Variants in RBPJ observed in about 807,000 individuals in gnomAD.
RBPJ encodes the protein recombination signal binding protein for immunoglobulin kappa J region, also known as recombining binding protein suppressor of hairless.
Under a neutral mutation model 67.8 loss-of-function variants are expected in RBPJ, and 9 were observed. The ratio of observed to expected loss-of-function variants is 0.13; its 90% CI spans 0.08 to 0.23. The LOEUF (loss-of-function observed/expected upper bound fraction) is 0.23. Ranked by LOEUF, RBPJ falls within the 10% of genes least tolerant of loss-of-function variation. The pLI is 1.00. For synonymous variants in RBPJ, 198 were observed against 203.3 expected (o/e 0.97, Z 0.22); for missense variants, 305 against 595.6 (o/e 0.51, Z 5.08).
At chr4:26,114,501 A>ATATATG in the RBPJ span, among the ~76,000 whole-genome samples, 1 of 144,708 alleles carries the variant, frequency 6.9e-6, no homozygotes, top group African/African-American at 2.7e-5. Flanking sequence ...ATATATATGT[A>ATATATG]TGTGTGTGTG....
chr4:26,315,401 AT>A (rs1310904330), upstream of RBPJ, among the ~76,000 whole-genome samples: 6 of 151,574 alleles, frequency 4.0e-5, no homozygotes, highest in Admixed American at 1.3e-4. Flanking sequence ...GCAAGTTTTT[AT>A]TAAGGATTTC....
intron 1 of RBPJ, among the ~76,000 whole-genome samples, chr4:26,369,171 T>C: frequency 6.6e-6 from 1 of 152,236 alleles, no homozygotes; most frequent in East Asian, 1.9e-4. Context: ...GGTCATACTC[T>C]TATTTACCAA....
rs754969952 is a variant in RBPJ, at chr4:26,429,859, CTG to C, written c.889-37_889-36del. 2.6e-6 allele frequency: 4 copies of C among 1,565,470 alleles called. No homozygotes were observed. The Admixed American group carries it at 6.8e-5, about 27-fold the overall frequency. On this transcript the variant is annotated intron_variant, in intron 8 of 10. Coordinates refer to ENST00000355476, the MANE Select transcript of RBPJ (RefSeq NM_015874.6). ...AATTTTCTTATCCTATTAATACAAA[CTG>C]TATAAAACTTAGTTTCTAAACTTCT...
intron 1 of RBPJ, among the ~76,000 whole-genome samples, chr4:26,178,193 T>A (rs1338321429): frequency 6.6e-6 from 1 of 152,140 alleles, no homozygotes; most frequent in Non-Finnish European, 1.5e-5. Flanking sequence ...CAAAGATATA[T>A]CTTAGGTTTT....
chr4:26,419,728 G>A (rs1734941658), intron 4 of RBPJ, among the ~76,000 whole-genome samples: 2 of 152,094 alleles, frequency 1.3e-5, no homozygotes, highest in African/African-American at 2.4e-5. Flanking sequence ...TGATTCACAG[G>A]GATCAAGAGA....
chr4:26,307,730 A>T (rs1046527658), intron 1 of RBPJ, among the ~76,000 whole-genome samples: 1 of 152,248 alleles, frequency 6.6e-6, no homozygotes, highest in African/African-American at 2.4e-5. Context: ...GGAAGAAAAA[A>T]AACAAACCAT....
At chr4:26,367,149 TAAAAA>T (rs1268827433) in intron 1 of RBPJ, among the ~76,000 whole-genome samples, 1 of 150,758 alleles carries the variant, frequency 6.6e-6, no homozygotes, top group East Asian at 2.0e-4. Flanking sequence ...ATTAATAAAA[TAAAAA>T]GAAAATACAA....
chr4:26,394,220 G>A (rs1286031957), intron 2 of RBPJ, among the ~76,000 whole-genome samples: 1 of 151,834 alleles, frequency 6.6e-6, no homozygotes, highest in African/African-American at 2.4e-5. Context: ...GTAGAGACGG[G>A]GTTTCACCGT....
intron 2 of RBPJ, among the ~76,000 whole-genome samples, chr4:26,391,742 G>T (rs1577593394): frequency 6.6e-6 from 1 of 152,176 alleles, no homozygotes; most frequent in Admixed American, 6.5e-5. Flanking sequence ...GGTCTGAACA[G>T]ATACTAATCC....
chr4:26,366,449 A>C (rs1041449162), intron 1 of RBPJ, among the ~76,000 whole-genome samples: 3 of 152,000 alleles, frequency 2.0e-5, no homozygotes, highest in Non-Finnish European at 4.4e-5. Flanking sequence ...TTTGAGACCA[A>C]GTCTTGCTCT....
At chr4:26,136,116 C>G in the RBPJ span, among the ~76,000 whole-genome samples, 1 of 152,160 alleles carries the variant, frequency 6.6e-6, no homozygotes, top group African/African-American at 2.4e-5. Flanking sequence ...TATTCGCTAC[C>G]ACAAGGACAG....
At position 26,418,687 on chromosome 4, in the gene RBPJ, C is replaced by G. The variant is rs115968169; in HGVS notation, c.322-1864C>G. Among the ~76,000 whole-genome samples, 489 of 152,292 alleles carry G rather than the reference C, an allele frequency of 3.2e-3. 3 individuals are homozygous for G. The highest frequency in any genetic ancestry group is 0.011 in the African/African-American group (452 of 41,558). On this transcript the variant is annotated intron_variant, in intron 4 of 10. Transcript: ENST00000355476. ...TTTTAACACTCAAAAGCCATCTCAA[C>G]ATTTTTAAGCTTTCCCATTAGAATG...
chr4:26,292,471 T>C (rs953789592), intron 1 of RBPJ, among the ~76,000 whole-genome samples: 1 of 150,322 alleles, frequency 6.7e-6, no homozygotes, highest in African/African-American at 2.5e-5. Context: ...CCCAGGCTGG[T>C]ATGCAGTGGC....
At chr4:26,142,339 A>G in the RBPJ span, among the ~76,000 whole-genome samples, 1 of 152,374 alleles carries the variant, frequency 6.6e-6, no homozygotes, top group South Asian at 2.1e-4. Context: ...AGAGGCCTCC[A>G]GGAATTGGAT....
At chr4:26,286,943 C>T (rs1324262413) in intron 1 of RBPJ, among the ~76,000 whole-genome samples, 4 of 152,152 alleles carry the variant, frequency 2.6e-5, no homozygotes, top group South Asian at 2.1e-4. Context: ...TGCACCACCA[C>T]GCCTGGCTAA....
chr4:26,174,940 A>C lies in RBPJ; in HGVS notation c.-167+11326A>C, dbSNP rs1716742659. Among the ~76,000 whole-genome samples, 3 of 152,338 alleles carry C rather than the reference A, an allele frequency of 2.0e-5. No individual in the cohort carries two copies. The South Asian group carries it at 6.2e-4, about 32-fold the overall frequency. On this transcript the variant is annotated intron_variant, in intron 1 of 4. Transcript: ENST00000512351. ...TTTTCTTAGAAAATTATGGGAAATG[A>C]ATTCACTTAAAGAAAGCTAGTAAAC...
At position 26,348,664 on chromosome 4, in the gene RBPJ, TCAA is replaced by T. The variant is rs1013729914; in HGVS notation, c.20+27623_20+27625del. On this transcript the variant is annotated intron_variant, in intron 1 of 10. Coordinates refer to ENST00000355476, the MANE Select transcript of RBPJ (RefSeq NM_015874.6). ...GTTGAGGTAAGCAAAGCTTTTCACC[TCAA>T]CAACAAAAAGTTTGGTTGTTTTTTG... 9.2e-5 allele frequency among the ~76,000 whole-genome samples: 14 copies of T among 152,262 alleles called. No homozygotes were observed. The Middle Eastern group carries it at 0.01, about 111-fold the overall frequency.
chr4:26,371,695 G>C (rs1245913487), intron 1 of RBPJ, among the ~76,000 whole-genome samples: 1 of 152,156 alleles, frequency 6.6e-6, no homozygotes, highest in Non-Finnish European at 1.5e-5. Flanking sequence ...TCTCAAATTG[G>C]AATATTACAG....
intron 1 of RBPJ, among the ~76,000 whole-genome samples, chr4:26,287,061 A>G (rs1721491450): frequency 6.6e-6 from 1 of 152,148 alleles, no homozygotes; most frequent in Non-Finnish European, 1.5e-5. Flanking sequence ...TGCTGGGATT[A>G]CAGGCGTGAG....
Sources: gnomAD v4.1 joint callset for allele counts (sites outside exome capture counted in the v4.1 genomes callset) on GRCh38, gnomAD v4.1.1 for gene constraint, MANE v1.5 for transcripts, NCBI Gene and HGNC (gene_info 2026-07-23, HGNC 2026-07-21) for gene names.